Variants in DTHD1 observed in about 807,000 individuals in gnomAD.
DTHD1 encodes the protein death domain-containing protein 1.
In DTHD1, 59 loss-of-function variants were observed where a neutral mutation model predicts 74.8. That is an observed-to-expected ratio of 0.79 (90% CI 0.64 to 0.98). DTHD1 has a LOEUF of 0.98. Among genes scored for constraint, DTHD1 ranks in the 50% least tolerant of loss-of-function variants. The pLI is 0.00. For missense variants in DTHD1, 1,051 were observed against 1,065.4 expected (o/e 0.99, Z 0.19); for synonymous variants, 365 against 371.1 (o/e 0.98, Z 0.19).
chr4:36,316,150 T>C, intron 7 of DTHD1, 92 bp from the exon 8 acceptor site: 2 of 1,170,340 alleles, frequency 1.7e-6, no homozygotes, highest in Non-Finnish European at 2.4e-6. Context: ...TTAGCCAGGA[T>C]GGTCTCGATC....
Position 36,346,001 on chromosome 4 carries a change from C to T in DTHD1, c.*2177C>T, listed in dbSNP as rs985296273. On this transcript the variant is annotated 3_prime_UTR_variant, in exon 10 of 10. Transcript: ENST00000639862. ...ACCCTTTATCAGCACTGTTTCGGGT[C>T]CACTTGTGCACCTCACATATGCTGT... Among the ~76,000 whole-genome samples, 4 of 151,984 alleles carry T rather than the reference C, an allele frequency of 2.6e-5. No individual in the cohort carries two copies. The highest frequency in any genetic ancestry group is 9.7e-5 in the African/African-American group (4 of 41,358).
At chr4:36,306,393 C>CTGAT (rs1464227622) in intron 6 of DTHD1, 41 bp downstream of exon 6, 44 of 1,497,460 alleles carry the variant, frequency 2.9e-5, no homozygotes, top group Non-Finnish European at 3.8e-5. Flanking sequence ...GATACTCTTT[C>CTGAT]TGATGGTCAT....
chr4:36,318,346 G>T (rs1757849318), intron 8 of DTHD1, among the ~76,000 whole-genome samples: 1 of 152,182 alleles, frequency 6.6e-6, no homozygotes, highest in African/African-American at 2.4e-5. Flanking sequence ...TTAGTACAGA[G>T]ATAATATTAG....
rs559940970 is a variant in DTHD1 at position 36,324,662 on chromosome 4, A to G, written c.2340+8176A>G. Reference sequence around the variant, plus strand: ...AGATATTCTGTAAGGCCTAAAAGTGATAATAATAATAGTAGAAGCCAAAAT... The same window carrying G: ...AGATATTCTGTAAGGCCTAAAAGTGGTAATAATAATAGTAGAAGCCAAAAT... On this transcript the variant is annotated intron_variant, in intron 8 of 9. Transcript: ENST00000639862. Among the ~76,000 whole-genome samples, 4 of 152,346 alleles carry G rather than the reference A, an allele frequency of 2.6e-5. No individual in the cohort carries two copies. The South Asian group carries it at 6.2e-4, about 24-fold the overall frequency.
intron 5 of DTHD1, among the ~76,000 whole-genome samples, chr4:36,301,289 G>A (rs145023186): frequency 0.015 from 2,209 of 152,190 alleles, 23 homozygotes; most frequent in Non-Finnish European, 0.019. Flanking sequence ...GATGCAGTGG[G>A]AGCTTCTATG....
chr4:36,324,598 C>T (rs1476833043), intron 8 of DTHD1, among the ~76,000 whole-genome samples: 1 of 152,064 alleles, frequency 6.6e-6, no homozygotes, highest in Non-Finnish European at 1.5e-5. Context: ...TATCAGTCAA[C>T]ACGTTAATTT....
chr4:36,294,768 A>T (rs543438501), intron 4 of DTHD1, 27 bp from the exon 5 acceptor site: 1 of 1,491,886 alleles, frequency 6.7e-7, no homozygotes, highest in Non-Finnish European at 8.9e-7. Flanking sequence ...CTATTAAAAC[A>T]TAAGAAAAAA....
Position 36,344,960 on chromosome 4 carries a change from A to G in DTHD1, c.*1136A>G, listed in dbSNP as rs1759514878. The G allele has an allele frequency of 6.6e-6, 1 of 152,220 alleles. No homozygotes were observed. The highest frequency in any genetic ancestry group is 2.1e-4 in the South Asian group (1 of 4,834). 9.4% of individuals were successfully genotyped at this position (152,220 alleles called of 1,614,324 possible). A position where few individuals can be genotyped will look rare whatever the true frequency, so the allele number is the denominator to read the frequency against. On this transcript the variant is annotated 3_prime_UTR_variant, in exon 10 of 10. Coordinates refer to ENST00000639862, the MANE Select transcript of DTHD1 (RefSeq NM_001170700.3). ...TTTCTAAGCTCGAAATAAATTAAAA[A>G]TAGAATAACACTTCAGCCATTTACT...
chr4:36,302,187 T>G (rs1756817451), intron 5 of DTHD1, among the ~76,000 whole-genome samples: 2 of 152,138 alleles, frequency 1.3e-5, no homozygotes, highest in South Asian at 4.1e-4. Context: ...TGTAGGTAAA[T>G]ACACCAAACG....
At position 36,345,692 on chromosome 4, in the gene DTHD1, A is replaced by C. The variant is rs1457258273; in HGVS notation, c.*1868A>C. The C allele has an allele frequency of 6.6e-6, 1 of 152,242 alleles. No individual in the cohort carries two copies. Among genetic ancestry groups the C allele is most frequent in the African/African-American group, 2.4e-5 (1 of 41,468 alleles). The allele number at this position is 152,242 out of a possible 1,614,324, so 9.4% of individuals were successfully genotyped here. On this transcript the variant is annotated 3_prime_UTR_variant, in exon 10 of 10. Coordinates refer to ENST00000639862, the MANE Select transcript of DTHD1 (RefSeq NM_001170700.3). ...TTCTTGGGGCAAAGAAAACAGACTAAAATGTTCATTGTTTTCCTGATTACA... is the reference window on the plus strand; with the variant it reads ...TTCTTGGGGCAAAGAAAACAGACTACAATGTTCATTGTTTTCCTGATTACA...
chr4:36,334,856 A>G (rs1264263703), intron 8 of DTHD1, among the ~76,000 whole-genome samples: 1 of 152,174 alleles, frequency 6.6e-6, no homozygotes, highest in Non-Finnish European at 1.5e-5. Flanking sequence ...CTGACCTTAA[A>G]TGTATGATGA....
chr4:36,289,182 T>G (rs1755905069), intron 2 of DTHD1, among the ~76,000 whole-genome samples: 1 of 152,206 alleles, frequency 6.6e-6, no homozygotes, highest in South Asian at 2.1e-4. Flanking sequence ...CTCTTCAACA[T>G]TTCCAGTATT....
chr4:36,332,093 G>A (rs957600507), intron 8 of DTHD1, among the ~76,000 whole-genome samples: 2 of 152,164 alleles, frequency 1.3e-5, no homozygotes, highest in African/African-American at 2.4e-5. Context: ...GCTGAGGCAG[G>A]AGAATCACTT....
intron 8 of DTHD1, among the ~76,000 whole-genome samples, chr4:36,331,646 C>T (rs1758678709): frequency 6.6e-6 from 1 of 152,080 alleles, no homozygotes; most frequent in African/African-American, 2.4e-5. Flanking sequence ...GAGCTAATTG[C>T]CACAGATATC....
rs1159312064 is a variant in DTHD1 at position 36,345,279 on chromosome 4, T to G, written c.*1455T>G. On this transcript the variant is annotated 3_prime_UTR_variant, in exon 10 of 10. Coordinates refer to ENST00000639862, the MANE Select transcript of DTHD1 (RefSeq NM_001170700.3). ...TCTTTCTATTGATAATCGCTATTAA[T>G]GTCTAGTATAAGCTTTGAGTTTTTG... is the stretch of plus-strand genomic sequence containing the variant. 1 of 152,204 alleles carries G rather than the reference T, an allele frequency of 6.6e-6. No individual in the cohort carries two copies. Among genetic ancestry groups the G allele is most frequent in the Non-Finnish European group, 1.5e-5 (1 of 68,030 alleles). 9.4% of individuals were successfully genotyped at this position (152,204 alleles called of 1,614,324 possible). A position where few individuals can be genotyped will look rare whatever the true frequency, so the allele number is the denominator to read the frequency against.
chr4:36,334,888 ATGGAGGGCC>A (rs1758919050), intron 8 of DTHD1, among the ~76,000 whole-genome samples: 1 of 152,228 alleles, frequency 6.6e-6, no homozygotes, highest in Non-Finnish European at 1.5e-5. Context: ...GTGATTGTCC[ATGGAGGGCC>A]ATTCTGGCTA....
At chr4:36,298,256 G>A (rs1169041673) in intron 5 of DTHD1, among the ~76,000 whole-genome samples, 2 of 151,924 alleles carry the variant, frequency 1.3e-5, no homozygotes, top group African/African-American at 4.8e-5. Flanking sequence ...TACTACTGTA[G>A]CAATAATATA....
In DTHD1 at chr4:36,345,804, T is replaced by C. The variant is rs777359622; in HGVS notation, c.*1980T>C. On this transcript the variant is annotated 3_prime_UTR_variant, in exon 10 of 10. Transcript: ENST00000639862. Reference sequence around the variant, plus strand: ...TATTAACATTTTTGGCATAATTTCTTCTAGTTTTTCTTTTTTTCTGGAAGA... The same window carrying C: ...TATTAACATTTTTGGCATAATTTCTCCTAGTTTTTCTTTTTTTCTGGAAGA... 1 of 152,206 alleles carries C rather than the reference T, an allele frequency of 6.6e-6. No individual in the cohort carries two copies. Among genetic ancestry groups the C allele is most frequent in the African/African-American group, 2.4e-5 (1 of 41,456 alleles). The allele number at this position is 152,206 out of a possible 1,614,324, so 9.4% of individuals were successfully genotyped here.
intron 2 of DTHD1, among the ~76,000 whole-genome samples, chr4:36,286,086 C>T (rs1755694297): frequency 1.3e-5 from 2 of 152,114 alleles, no homozygotes; most frequent in African/African-American, 4.8e-5. Flanking sequence ...TCTAATTTGG[C>T]CGTAATGTTT....
Sources: allele counts gnomAD v4.1 joint callset (sites outside exome capture counted in the v4.1 genomes callset), GRCh38; gene constraint gnomAD v4.1.1; transcripts MANE v1.5; gene names NCBI Gene and HGNC (gene_info 2026-07-23, HGNC 2026-07-21).